DOCK10: variants seen among roughly 807,000 people sequenced by gnomAD.
DOCK10 encodes dedicator of cytokinesis protein 10.
A neutral mutation model predicts 280.1 loss-of-function variants in DOCK10; 145 were observed. The observed-to-expected ratio is 0.52, with a 90% CI of 0.45 to 0.59. The LOEUF is 0.59. Ranked by LOEUF, DOCK10 falls within the 20% of genes least tolerant of loss-of-function variation. The pLI, the probability that DOCK10 is intolerant of heterozygous loss-of-function variation, is 0.00. For synonymous variants in DOCK10, 915 were observed against 942.2 expected (o/e 0.97, Z 0.53); for missense variants, 2,368 against 2,651.7 (o/e 0.89, Z 2.35).
intron 1 of DOCK10, chr2:224,946,969 A>T (rs1191312589): frequency 6.5e-7 from 1 of 1,534,890 alleles, no homozygotes; most frequent in African/African-American, 1.4e-5. Flanking sequence ...CTATAATTTG[A>T]GTCACAAAAT....
chr2:224,952,144 C>A (rs980547461), intron 1 of DOCK10, among the ~76,000 whole-genome samples: 3 of 152,194 alleles, frequency 2.0e-5, no homozygotes, highest in African/African-American at 7.2e-5. Flanking sequence ...TAATTTATGA[C>A]TGCAAAGTCC....
intron 52 of DOCK10, 103 bp from the exon 53 acceptor site, chr2:224,773,450 G>T: frequency 9.8e-7 from 1 of 1,021,462 alleles, no homozygotes; most frequent in Non-Finnish European, 1.4e-6. Flanking sequence ...ACGGCACATG[G>T]CACCTTCCAT....
At chr2:225,036,905 T>TG (rs577054540) in intron 1 of DOCK10, among the ~76,000 whole-genome samples, 395 of 150,508 alleles carry the variant, frequency 2.6e-3, no homozygotes, top group African/African-American at 9.0e-3. Flanking sequence ...CTAATACTGT[T>TG]TTTTTTTTTC....
intron 1 of DOCK10, among the ~76,000 whole-genome samples, chr2:225,032,490 G>T (rs1321815440): frequency 6.6e-6 from 1 of 152,018 alleles, no homozygotes; most frequent in Non-Finnish European, 1.5e-5. Flanking sequence ...CCACCATAAA[G>T]ATATGCTTCA....
At chr2:224,964,846 G>T (rs1704642271) in intron 1 of DOCK10, among the ~76,000 whole-genome samples, 1 of 152,126 alleles carries the variant, frequency 6.6e-6, no homozygotes, top group African/African-American at 2.4e-5. Context: ...CCGGCTATAA[G>T]AACACATACT....
chr2:224,867,535 T>C (rs1369221744), intron 11 of DOCK10, among the ~76,000 whole-genome samples: 1 of 152,062 alleles, frequency 6.6e-6, no homozygotes, highest in African/African-American at 2.4e-5. Flanking sequence ...GATGTGAAAA[T>C]GGGAAAGATA....
At chr2:224,799,264 C>T (rs1461246162) in intron 41 of DOCK10, among the ~76,000 whole-genome samples, 1 of 152,264 alleles carries the variant, frequency 6.6e-6, no homozygotes, top group Non-Finnish European at 1.5e-5. Flanking sequence ...ATAATATACA[C>T]TGAGTAATAC....
chr2:224,899,286 T>C (rs1182368967), intron 3 of DOCK10, among the ~76,000 whole-genome samples: 1 of 152,234 alleles, frequency 6.6e-6, no homozygotes, highest in East Asian at 1.9e-4. Flanking sequence ...CTAAGTAGAA[T>C]AAAATATTAT....
At chr2:224,874,389 C>A in intron 9 of DOCK10, 40 bp from the exon 10 acceptor site, 1 of 1,474,108 alleles carries the variant, frequency 6.8e-7, no homozygotes, top group South Asian at 1.2e-5. Flanking sequence ...ATCTAAATAT[C>A]CAGATACAGC....
rs78038269 is a variant in DOCK10, at chr2:224,961,995, T to C, written c.124-30327A>G. 2.5e-3 allele frequency among the ~76,000 whole-genome samples: 386 copies of C among 152,152 alleles called. 3 individuals carry two copies. Among genetic ancestry groups the C allele is most frequent in the African/African-American group, 8.9e-3 (371 of 41,508 alleles). ...GGAGTTTATTGAGGAGCCATGAAAA[T>C]CTGAACTAGGGCAGATGCCAGGTTG... is the stretch of plus-strand genomic sequence containing the variant. On this transcript the variant is annotated intron_variant, in intron 1 of 55. Transcript: ENST00000258390.
intron 1 of DOCK10, among the ~76,000 whole-genome samples, chr2:225,022,970 T>C (rs950706117): frequency 5.3e-5 from 8 of 152,236 alleles, no homozygotes; most frequent in Non-Finnish European, 7.3e-5. Flanking sequence ...CAACATAGTT[T>C]GGAGGAGATG....
rs549472205 is a variant in DOCK10, at chr2:224,870,083, T to C, written c.1257+3913A>G. Among the ~76,000 whole-genome samples, 29 of 152,280 alleles carry C rather than the reference T, an allele frequency of 1.9e-4. No individual in the cohort carries two copies. In the Middle Eastern group the frequency reaches 0.01, roughly 54 times the overall value. On this transcript the variant is annotated intron_variant, in intron 11 of 55. Coordinates refer to ENST00000258390, the MANE Select transcript of DOCK10 (RefSeq NM_014689.3). Reference sequence around the variant, plus strand: ...ATAGGAGGGACCCAGTGGGAAGTAATTGAATTATGGGGGCAGTTACCCTCA... The same window carrying C: ...ATAGGAGGGACCCAGTGGGAAGTAACTGAATTATGGGGGCAGTTACCCTCA...
chr2:224,874,719 T>C lies in DOCK10; in HGVS notation c.964A>G (p.Thr322Ala). 6.2e-7 allele frequency: 1 copy of C among 1,613,972 alleles called. No individual in the cohort carries two copies. The highest frequency in any genetic ancestry group is 8.5e-7 in the Non-Finnish European group (1 of 1,179,864). The change falls in exon 9 of 56, where the codon ACG (threonine) becomes GCG (alanine). Residue 322 changes from threonine to alanine, a missense_variant. Physicochemically the swap from Thr to Ala is moderately conservative, Grantham distance 58. This residue lies in a region of DOCK10 where 1,209 missense variants were observed against 1,250.9 expected (regional missense o/e 0.97). Coordinates refer to ENST00000258390, the MANE Select transcript of DOCK10 (RefSeq NM_014689.3). ...SLDNSVTCEC[T>A]PEETDSSENN... The stretch of plus-strand genomic sequence containing the variant: ...TCTGAAGAATCTGTTTCCTCTGGCG[T>C]GCATTCACAAGTTACAGAATTATCC...
chr2:224,880,648 A>T (rs921934157), intron 7 of DOCK10, among the ~76,000 whole-genome samples: 1 of 152,152 alleles, frequency 6.6e-6, no homozygotes, highest in Non-Finnish European at 1.5e-5. Flanking sequence ...ACCTGTGAAT[A>T]TGTCTTATTG....
chr2:224,931,462 C>T (rs1702370030), intron 2 of DOCK10, 87 bp downstream of exon 2: 11 of 1,454,788 alleles, frequency 7.6e-6, no homozygotes, highest in Admixed American at 2.4e-5. Flanking sequence ...ACAGGGAGGC[C>T]TGGACTCTCT....
chr2:224,787,360 A>G lies in DOCK10; in HGVS notation c.5456T>C (p.Phe1819Ser). ...LVEQLYMCVE[F>S]LWKSERYELI... Reference sequence around the variant, plus strand: ...TTCATATCGCTCAGACTTCCAGAGAAACTCCACACACATGTATAGCTGCTC... The same window carrying G: ...TTCATATCGCTCAGACTTCCAGAGAGACTCCACACACATGTATAGCTGCTC... Residue 1819 changes from phenylalanine to serine, a missense_variant, in exon 49 of 56, where the codon TTT (phenylalanine) becomes TCT (serine). This residue lies in a region of DOCK10 where 1,159 missense variants were observed against 1,400.8 expected (regional missense o/e 0.83). Coordinates refer to ENST00000258390, the MANE Select transcript of DOCK10 (RefSeq NM_014689.3). 6.2e-7 allele frequency: 1 copy of G among 1,614,000 alleles called. No individual in the cohort carries two copies. Among genetic ancestry groups the G allele is most frequent in the Non-Finnish European group, 8.5e-7 (1 of 1,179,872 alleles).
chr2:224,773,142 G>C lies in DOCK10; in HGVS notation c.6204+15C>G. 3 of 1,596,340 alleles carry C rather than the reference G, an allele frequency of 1.9e-6. No homozygotes were observed. Among genetic ancestry groups the C allele is most frequent in the Non-Finnish European group, 2.6e-6 (3 of 1,167,642 alleles). ...TTGGCCATGTGCATCTCAGCCCTGG[G>C]CAATGCTTACTCACCTTCACGCTGA... On this transcript the variant is annotated intron_variant, in intron 53 of 55. Transcript: ENST00000258390.
At position 224,841,906 on chromosome 2, in the gene DOCK10, CA is replaced by C. The variant is rs751002498; in HGVS notation, c.2569-11del. The C allele has an allele frequency of 1.3e-3, 1,986 of 1,536,550 alleles. No homozygotes were observed. The highest frequency in any genetic ancestry group is 1.5e-3 in the Non-Finnish European group (1,668 of 1,125,530). On this transcript the variant is annotated splice_polypyrimidine_tract_variant and intron_variant, in intron 22 of 55. Coordinates refer to ENST00000258390, the MANE Select transcript of DOCK10 (RefSeq NM_014689.3). ...CATTCACATGTGGATCCTACAACAGCAAAAAAAAAGTATTTATTTCTGATGA... is the reference window on the plus strand; with the variant it reads ...CATTCACATGTGGATCCTACAACAGCAAAAAAAAGTATTTATTTCTGATGA...
rs145911752 is a variant in DOCK10 at position 225,014,871 on chromosome 2, C to T, written c.123+27381G>A. ...TTCATTTGCATGATTTCTAATTGGT[C>T]GTTAAAAATATCTCTGTGTTCTTTT... On this transcript the variant is annotated intron_variant, in intron 1 of 55. Transcript: ENST00000258390. Among the ~76,000 whole-genome samples, 355 of 152,194 alleles carry T rather than the reference C, an allele frequency of 2.3e-3. 11 individuals are homozygous for T. Among genetic ancestry groups the T allele is most frequent in the Admixed American group, 0.018 (277 of 15,284 alleles).
Sources: gnomAD v4.1 joint callset for allele counts (sites outside exome capture counted in the v4.1 genomes callset) on GRCh38, gnomAD v4.1.1 for gene constraint, gnomAD v4.1.1 regional missense constraint, MANE v1.5 for transcripts, NCBI Gene and HGNC (gene_info 2026-07-23, HGNC 2026-07-21) for gene names.